Variants in FLRT2 observed in about 807,000 individuals in gnomAD.
The protein encoded by FLRT2 is leucine-rich repeat transmembrane protein FLRT2.
Under a neutral mutation model 40.0 loss-of-function variants are expected in FLRT2, and 15 were observed. That is an observed-to-expected ratio of 0.38 (90% confidence interval 0.25 to 0.58). FLRT2 has a LOEUF of 0.58. Ranked by LOEUF, FLRT2 falls within the 20% of genes least tolerant of loss-of-function variation. FLRT2 has a pLI of 0.71. For missense variants in FLRT2, 726 were observed against 840.0 expected, an observed-to-expected ratio of 0.86 and a Z score of 1.68; for synonymous variants, 380 against 336.8, an observed-to-expected ratio of 1.13 and a Z score of -1.41.
chr14:85,560,567 C>G (rs925565859), intron 1 of FLRT2, among the ~76,000 whole-genome samples: 46 of 150,426 alleles, frequency 3.1e-4, no homozygotes, highest in African/African-American at 1.1e-3. Flanking sequence ...GGCTGCAGAG[C>G]GAGACTCCAT....
chr14:85,576,338 G>T (rs1042853669), intron 1 of FLRT2, among the ~76,000 whole-genome samples: 2 of 152,090 alleles, frequency 1.3e-5, no homozygotes, highest in African/African-American at 4.8e-5. Flanking sequence ...ATGCCTCAAA[G>T]TATTTGGCTG....
Position 85,641,943 on chromosome 14 carries a change from T to A in FLRT2, c.*18446T>A, listed in dbSNP as rs1466364751. ...AAAGCCAAGGCTTTGGTGACCAATG[T>A]GATTGCTTCAGAATTTTATGATGAG... On this transcript the variant is annotated 3_prime_UTR_variant, in exon 2 of 2. Transcript: ENST00000330753. 2 of 152,124 alleles carry A rather than the reference T, an allele frequency of 1.3e-5. No individual in the cohort carries two copies. Among genetic ancestry groups the A allele is most frequent in the Non-Finnish European group, 2.9e-5 (2 of 68,026 alleles). 9.4% of individuals were successfully genotyped at this position (152,124 alleles called of 1,614,324 possible).
rs1202694402 is a variant in FLRT2 at position 85,618,216 on chromosome 14, T to A, written c.-376-2923T>A. On this transcript the variant is annotated intron_variant, in intron 1 of 1. Transcript: ENST00000330753. ...ACCATCATCCTCAAGTATTGATTTG[T>A]TTCTTAGCCCCTAATACTTGGCCTA... Among the ~76,000 whole-genome samples, 9 of 152,204 alleles carry A rather than the reference T, an allele frequency of 5.9e-5. No homozygotes were observed. The East Asian group carries it at 1.7e-3, about 29-fold the overall frequency.
At chr14:85,531,969 C>A (rs2139791017) in intron 1 of FLRT2, among the ~76,000 whole-genome samples, 1 of 152,312 alleles carries the variant, frequency 6.6e-6, no homozygotes, top group East Asian at 1.9e-4. Flanking sequence ...TCGGGCGTTT[C>A]TCCAAGTCGT....
At chr14:85,558,810 G>T (rs1287360801) in intron 1 of FLRT2, among the ~76,000 whole-genome samples, 2 of 152,134 alleles carry the variant, frequency 1.3e-5, no homozygotes, top group African/African-American at 4.8e-5. Context: ...ATGCATATTT[G>T]ACATGGTTTG....
At chr14:85,555,385 T>G (rs1386113116) in intron 1 of FLRT2, among the ~76,000 whole-genome samples, 1 of 152,226 alleles carries the variant, frequency 6.6e-6, no homozygotes, top group Non-Finnish European at 1.5e-5. Context: ...CAGTTCCATG[T>G]GGCTGGGGAA....
intron 1 of FLRT2, among the ~76,000 whole-genome samples, chr14:85,558,679 A>T (rs1404671989): frequency 2.6e-5 from 4 of 152,196 alleles, no homozygotes; most frequent in Non-Finnish European, 5.9e-5. Context: ...AGAGGGGAAG[A>T]TGTAATTGCT....
At chr14:85,555,689 C>CTTTTA (rs372243726) in intron 1 of FLRT2, among the ~76,000 whole-genome samples, 1 of 117,824 alleles carries the variant, frequency 8.5e-6, no homozygotes, top group Non-Finnish European at 1.8e-5. Context: ...TATCTGAAAT[C>CTTTTA]TATTTTATTT....
At chr14:85,545,310 G>T (rs890524794) in intron 1 of FLRT2, among the ~76,000 whole-genome samples, 1 of 152,102 alleles carries the variant, frequency 6.6e-6, no homozygotes, top group Non-Finnish European at 1.5e-5. Flanking sequence ...TTGTACAGTA[G>T]GTTCTGTTGA....
In FLRT2 at chr14:85,630,915, T is replaced by C. The variant is rs142373593; in HGVS notation, c.*7418T>C. ...TGAAGGACAAAGGGTAATCATAATC[T>C]ATAAGGAATGCCTGAGTACGATACT... is the stretch of plus-strand genomic sequence containing the variant. On this transcript the variant is annotated 3_prime_UTR_variant, in exon 2 of 2. Coordinates refer to ENST00000330753, the MANE Select transcript of FLRT2 (RefSeq NM_013231.6). 1.8e-3 allele frequency: 269 copies of C among 151,918 alleles called. No homozygotes were observed. Among genetic ancestry groups the C allele is most frequent in the African/African-American group, 6.2e-3 (257 of 41,384 alleles). 9.4% of individuals were successfully genotyped at this position (151,918 alleles called of 1,614,324 possible).
intron 1 of FLRT2, among the ~76,000 whole-genome samples, chr14:85,548,341 A>T (rs764222091): frequency 6.6e-6 from 1 of 152,212 alleles, no homozygotes; most frequent in East Asian, 1.9e-4. Flanking sequence ...TGTTCTCTCC[A>T]TGGAATCTTT....
At position 85,639,851 on chromosome 14, in the gene FLRT2, C is replaced by CTTTTTTTTTTTTTTT. The variant is rs869148428; in HGVS notation, c.*16355_*16369dup. The CTTTTTTTTTTTTTTT allele has an allele frequency of 8.4e-6, 1 of 119,250 alleles. No homozygotes were observed. The highest frequency in any genetic ancestry group is 3.4e-5 in the African/African-American group (1 of 29,556). The allele number at this position is 119,250 out of a possible 1,614,324, so 7.4% of individuals were successfully genotyped here. A position where few individuals can be genotyped will look rare whatever the true frequency, so the allele number is the denominator to read the frequency against. Reference sequence around the variant, plus strand: ...GAAATTCTTTATTTTTTTTTTTTTCCTTTTTTTTTTTTTTTGAGACAGTGT... The same window carrying CTTTTTTTTTTTTTTT: ...GAAATTCTTTATTTTTTTTTTTTTCCTTTTTTTTTTTTTTTTTTTTTTTTTTTTTTGAGACAGTGT... On this transcript the variant is annotated 3_prime_UTR_variant, in exon 2 of 2. Coordinates refer to ENST00000330753, the MANE Select transcript of FLRT2 (RefSeq NM_013231.6).
At chr14:85,570,559 T>TA (rs1890842338) in intron 1 of FLRT2, among the ~76,000 whole-genome samples, 1 of 132,520 alleles carries the variant, frequency 7.5e-6, no homozygotes, top group Admixed American at 7.6e-5. Context: ...TATTTTTATT[T>TA]ATTTTATTTA....
rs551729282 is a variant in FLRT2 at position 85,560,353 on chromosome 14, C to T, written c.-377+29819C>T. On this transcript the variant is annotated intron_variant, in intron 1 of 1. Transcript: ENST00000330753. ...CAGCACTTTGGGAGGCTGAGGAGGG[C>T]GGATCACGAGGTCAAGTTCAAGACC... is the stretch of plus-strand genomic sequence containing the variant. Among the ~76,000 whole-genome samples the T allele has an allele frequency of 1.2e-4, 18 of 152,014 alleles. No homozygotes were observed. In the South Asian group the frequency reaches 2.7e-3, roughly 23 times the overall value.
intron 1 of FLRT2, among the ~76,000 whole-genome samples, chr14:85,540,976 A>G (rs894849730): frequency 6.6e-6 from 1 of 152,172 alleles, no homozygotes; most frequent in Admixed American, 6.5e-5. Context: ...TATCTCTGAA[A>G]TGCACCAACA....
intron 1 of FLRT2, among the ~76,000 whole-genome samples, chr14:85,554,771 T>G (rs1595012282): frequency 6.6e-6 from 1 of 152,342 alleles, no homozygotes; most frequent in Middle Eastern, 3.4e-3. Flanking sequence ...TAGAGAGTTG[T>G]GCTATGAATT....
At chr14:85,539,124 G>A (rs1566715969) in intron 1 of FLRT2, among the ~76,000 whole-genome samples, 5 of 151,800 alleles carry the variant, frequency 3.3e-5, no homozygotes, top group Admixed American at 6.6e-5. Flanking sequence ...TCATCACTCC[G>A]GGCCCTTACA....
At chr14:85,538,229 C>A (rs10149091) in intron 1 of FLRT2, among the ~76,000 whole-genome samples, 4,494 of 152,188 alleles carry the variant, frequency 0.03, 222 homozygotes, top group African/African-American at 0.1. Flanking sequence ...TTGTTACATC[C>A]GGATCTGTTA....
chr14:85,558,326 A>G (rs572031998), intron 1 of FLRT2, among the ~76,000 whole-genome samples: 64 of 152,290 alleles, frequency 4.2e-4, no homozygotes, highest in African/African-American at 1.5e-3. Context: ...CTTTGCATCA[A>G]AAATAAATTT....
Sources: gnomAD v4.1 joint callset for allele counts (sites outside exome capture counted in the v4.1 genomes callset) on GRCh38, gnomAD v4.1.1 for gene constraint, MANE v1.5 for transcripts, NCBI Gene and HGNC (gene_info 2026-07-23, HGNC 2026-07-21) for gene names.